Variants in NSD3 observed in about 807,000 individuals in gnomAD.
NSD3 encodes the protein nuclear receptor binding SET domain protein 3.
NSD3 carries 24 observed loss-of-function variants against 160.8 expected under a neutral mutation model. That is an observed-to-expected ratio of 0.15 (90% confidence interval 0.11 to 0.21). NSD3 has a LOEUF of 0.21. Ranked by LOEUF, NSD3 falls within the 10% of genes least tolerant of loss-of-function variation. The pLI is 1.00. For missense variants in NSD3, 1,157 were observed against 1,735.9 expected, an observed-to-expected ratio of 0.67 and a Z score of 5.93; for synonymous variants, 520 against 600.0, an observed-to-expected ratio of 0.87 and a Z score of 1.95.
In NSD3 at chr8:38,317,058, G is replaced by C. The variant is rs1292694331; in HGVS notation, c.1856-1016C>G. ...ACAGACATCTAGATCAACCCAGCAAGCTATGGTGGAAGTGTGCAGTCCAGA... is the reference window on the plus strand; with the variant it reads ...ACAGACATCTAGATCAACCCAGCAACCTATGGTGGAAGTGTGCAGTCCAGA... On this transcript the variant is annotated intron_variant, in intron 9 of 23. Coordinates refer to ENST00000317025, the MANE Select transcript of NSD3 (RefSeq NM_023034.2). This position sits in a 1 kb window ranked among gnomAD's most constrained non-coding sequence, Gnocchi z 5.3. The C allele has an allele frequency of 1.9e-6, 2 of 1,060,326 alleles. No individual in the cohort carries two copies. The highest frequency in any genetic ancestry group is 3.3e-5 in the African/African-American group (2 of 60,800). The allele number at this position is 1,060,326 out of a possible 1,614,324, so 65.7% of individuals were successfully genotyped here. A position where few individuals can be genotyped will look rare whatever the true frequency, so the allele number is the denominator to read the frequency against.
rs770623823 is a variant in NSD3, at chr8:38,270,350, C to T, written c.*5291G>A. On this transcript the variant is annotated 3_prime_UTR_variant, in exon 24 of 24. Coordinates refer to ENST00000317025, the MANE Select transcript of NSD3 (RefSeq NM_023034.2). The stretch of plus-strand genomic sequence containing the variant: ...GAACACGAGAAAATGAAAACGGAGT[C>T]TGTAGGTATCTGTGTTTGTTGTGCA... 1 of 152,272 alleles carries T rather than the reference C, an allele frequency of 6.6e-6. No homozygotes were observed. Among genetic ancestry groups the T allele is most frequent in the Non-Finnish European group, 1.5e-5 (1 of 68,032 alleles). 9.4% of individuals were successfully genotyped at this position (152,272 alleles called of 1,614,324 possible). A position where few individuals can be genotyped will look rare whatever the true frequency, so the allele number is the denominator to read the frequency against.
intron 14 of NSD3, 105 bp from the exon 15 acceptor site, chr8:38,299,695 G>A (rs535967847): frequency 6.9e-6 from 8 of 1,158,820 alleles, no homozygotes; most frequent in Non-Finnish European, 9.0e-6. Flanking sequence ...AGCTGGGGTG[G>A]GGAGGGCGAA....
chr8:38,294,991 A>T (rs977565527), intron 16 of NSD3, among the ~76,000 whole-genome samples: 2 of 151,438 alleles, frequency 1.3e-5, no homozygotes, highest in African/African-American at 4.9e-5. Context: ...AAAATACAAA[A>T]AAATTAGACG....
intron 1 of NSD3, among the ~76,000 whole-genome samples, chr8:38,360,167 TA>T (rs1222314898): frequency 6.6e-6 from 1 of 152,106 alleles, no homozygotes; most frequent in African/African-American, 2.4e-5. Context: ...GGCTAATTTT[TA>T]AAATTTGTTG....
intron 12 of NSD3, among the ~76,000 whole-genome samples, chr8:38,309,083 T>G (rs1043723934): frequency 1.3e-5 from 2 of 150,884 alleles, no homozygotes; most frequent in East Asian, 2.0e-4. Flanking sequence ...CCAAGGTGGG[T>G]GCATTGCTTG....
chr8:38,288,394 T>G lies in NSD3; in HGVS notation c.3501+93A>C. The G allele has an allele frequency of 6.7e-7, 1 of 1,490,306 alleles. No individual in the cohort carries two copies. The highest frequency in any genetic ancestry group is 9.0e-7 in the Non-Finnish European group (1 of 1,111,738). 92.3% of individuals were successfully genotyped at this position (1,490,306 alleles called of 1,614,324 possible). A position where few individuals can be genotyped will look rare whatever the true frequency, so the allele number is the denominator to read the frequency against. ...GTTTTAACATTTTACCACAAATTCC[T>G]GCTGATTTTATCCCTAGAACTATAC... is the stretch of plus-strand genomic sequence containing the variant. On this transcript the variant is annotated intron_variant, in intron 19 of 23. Transcript: ENST00000317025. The surrounding 1 kb of genome is among the most constrained non-coding windows in gnomAD (Gnocchi z 4.5).
chr8:38,300,204 C>G (rs1241810465), intron 14 of NSD3, among the ~76,000 whole-genome samples: 1 of 152,140 alleles, frequency 6.6e-6, no homozygotes, highest in Non-Finnish European at 1.5e-5. Flanking sequence ...CTCTGTCACT[C>G]AGACTGGAGG....
At chr8:38,324,365 CTTTT>C (rs34802291) in intron 7 of NSD3, among the ~76,000 whole-genome samples, 1 of 152,246 alleles carries the variant, frequency 6.6e-6, no homozygotes, top group African/African-American at 2.4e-5. Flanking sequence ...CCATTATTTT[CTTTT>C]TAAGAAAGCT....
At chr8:38,378,599 G>A (rs1205437571) in intron 1 of NSD3, among the ~76,000 whole-genome samples, 1 of 152,078 alleles carries the variant, frequency 6.6e-6, no homozygotes, top group Non-Finnish European at 1.5e-5. Flanking sequence ...CCAAGATCAT[G>A]CCACTGCACT....
intron 7 of NSD3, among the ~76,000 whole-genome samples, chr8:38,323,226 T>C (rs1227173665): frequency 2.0e-5 from 3 of 152,040 alleles, no homozygotes; most frequent in African/African-American, 7.2e-5. Context: ...AGCTAATTTT[T>C]TTTTTGTACC....
Position 38,321,998 on chromosome 8 carries a change from T to C in NSD3, c.1709-826A>G, listed in dbSNP as rs900742836. Among the ~76,000 whole-genome samples the C allele has an allele frequency of 6.6e-6, 1 of 152,200 alleles. No individual in the cohort carries two copies. The highest frequency in any genetic ancestry group is 1.5e-5 in the Non-Finnish European group (1 of 68,036). ...TTCATTCTGTGAGCCTGAGGAGGAA[T>C]GATACCTGCAGTGCAGCTGTTCTCC... On this transcript the variant is annotated intron_variant, in intron 7 of 23. Coordinates refer to ENST00000317025, the MANE Select transcript of NSD3 (RefSeq NM_023034.2). The surrounding 1 kb of genome is among the most constrained non-coding windows in gnomAD (Gnocchi z 4.7).
chr8:38,306,918 T>C lies in NSD3; in HGVS notation c.2243-1473A>G, dbSNP rs186510096. On this transcript the variant is annotated intron_variant, in intron 12 of 23. Transcript: ENST00000317025. Reference sequence around the variant, plus strand: ...TCACAAGGTCAGGAGATCAAGACTGTCCTGGTTAACAAGGTGAAACCCCGT... The same window carrying C: ...TCACAAGGTCAGGAGATCAAGACTGCCCTGGTTAACAAGGTGAAACCCCGT... Among the ~76,000 whole-genome samples, 1,313 of 151,900 alleles carry C rather than the reference T, an allele frequency of 8.6e-3. 18 individuals carry two copies. The highest frequency in any genetic ancestry group is 0.031 in the African/African-American group (1,265 of 41,428).
chr8:38,312,007 CATATA>C (rs1809545356), intron 12 of NSD3, among the ~76,000 whole-genome samples: 1 of 152,148 alleles, frequency 6.6e-6, no homozygotes, highest in Non-Finnish European at 1.5e-5. Context: ...CTTTTACAGG[CATATA>C]TCCAACTCTT....
At chr8:38,328,538 C>T (rs1454173791) in intron 6 of NSD3, among the ~76,000 whole-genome samples, 2 of 152,138 alleles carry the variant, frequency 1.3e-5, no homozygotes, top group Non-Finnish European at 2.9e-5. Context: ...TGACATTTCT[C>T]TAGGAAGATG....
chr8:38,321,299 T>A lies in NSD3; in HGVS notation c.1709-127A>T. On this transcript the variant is annotated intron_variant, in intron 7 of 23. Transcript: ENST00000317025. The surrounding 1 kb of genome is among the most constrained non-coding windows in gnomAD (Gnocchi z 4.7). ...CTTTTGGAATTTTAATTAAAATCAT[T>A]AAAAAATGCTAAACATTCAGGAGCA... 1.5e-6 allele frequency: 1 copy of A among 657,894 alleles called. No homozygotes were observed. 40.8% of individuals were successfully genotyped at this position (657,894 alleles called of 1,614,324 possible).
rs1251942978 is a variant in NSD3 at position 38,329,502 on chromosome 8, T to G, written c.1457A>C (p.His486Pro). Residue 486 changes from histidine to proline, a missense_variant, in exon 6 of 24, where the codon CAC becomes CCC. By Grantham distance (77) the His-to-Pro change is moderately conservative. Coordinates refer to ENST00000317025, the MANE Select transcript of NSD3 (RefSeq NM_023034.2). The surrounding 1 kb of genome is among the most constrained non-coding windows in gnomAD (Gnocchi z 4.8). ...CTTCTGCAAATCCAGGCTCCCTTTGTGCATCGTAATGGAAGCTGGTAAGGA... is the reference window on the plus strand; with the variant it reads ...CTTCTGCAAATCCAGGCTCCCTTTGGGCATCGTAATGGAAGCTGGTAAGGA... ...RKSLPASITM[H>P]KGSLDLQKCN... The G allele has an allele frequency of 6.2e-7, 1 of 1,614,244 alleles. No homozygotes were observed. The highest frequency in any genetic ancestry group is 1.1e-5 in the South Asian group (1 of 91,084).
chr8:38,325,625 A>G (rs1809890182), intron 7 of NSD3, among the ~76,000 whole-genome samples: 1 of 152,262 alleles, frequency 6.6e-6, no homozygotes, highest in African/African-American at 2.4e-5. Flanking sequence ...TAATCCCAGC[A>G]CACTGGGAGG....
intron 11 of NSD3, 139 bp downstream of exon 11, chr8:38,315,277 A>G: frequency 9.5e-7 from 1 of 1,051,572 alleles, no homozygotes; most frequent in Non-Finnish European, 1.3e-6. Context: ...AAGAACCACA[A>G]AGAGGTTTTA....
Position 38,275,669 on chromosome 8 carries a change from T to TCTCC in NSD3, c.4285_4286insGGAG (p.Gln1429ArgfsTer21). On this transcript the variant is annotated frameshift_variant, in exon 24 of 24. Transcript: ENST00000317025. LOFTEE classifies it high-confidence loss of function. ...TTCTTTTACTTCTTCTCCATGATCT[T>TCTCC]GTGATTCCCATTTACATTTTATCTT... 1 of 1,614,172 alleles carries TCTCC rather than the reference T, an allele frequency of 6.2e-7. No homozygotes were observed. The highest frequency in any genetic ancestry group is 2.2e-5 in the East Asian group (1 of 44,894).
Sources: allele counts gnomAD v4.1 joint callset (sites outside exome capture counted in the v4.1 genomes callset), GRCh38; gene constraint gnomAD v4.1.1; non-coding constraint Gnocchi (gnomAD v3.1); transcripts MANE v1.5; gene names NCBI Gene and HGNC (gene_info 2026-07-23, HGNC 2026-07-21).